Variants in TPH1 observed in about 807,000 individuals in gnomAD.
TPH1 encodes the protein tryptophan 5-hydroxylase 1.
A neutral mutation model predicts 49.5 loss-of-function variants in TPH1; 37 were observed. The observed-to-expected ratio is 0.75, with a 90% CI of 0.58 to 0.98. The LOEUF (loss-of-function observed/expected upper bound fraction) is 0.98, where lower values mean the gene tolerates loss of function less well. TPH1 is among the 50% of genes least tolerant of loss of function. TPH1 has a pLI of 0.00. For synonymous variants in TPH1, 160 were observed against 182.1 expected (o/e 0.88, Z 0.98); for missense variants, 487 against 523.6 (o/e 0.93, Z 0.68).
chr11:18,038,111 G>A (rs886432402), intron 2 of TPH1, among the ~76,000 whole-genome samples: 3 of 152,158 alleles, frequency 2.0e-5, no homozygotes, highest in African/African-American at 7.2e-5. Context: ...CGGAAGGGGA[G>A]TTGTGTCAAG....
intron 4 of TPH1, among the ~76,000 whole-genome samples, 186 bp downstream of exon 4, chr11:18,033,088 A>T (rs940190114): frequency 7.2e-5 from 11 of 152,122 alleles, no homozygotes; most frequent in African/African-American, 2.4e-4. Context: ...CCCCATCTCT[A>T]CTAAAAATAC....
chr11:18,027,606 C>T (rs1847942887), intron 6 of TPH1, among the ~76,000 whole-genome samples: 1 of 152,130 alleles, frequency 6.6e-6, no homozygotes, highest in Non-Finnish European at 1.5e-5. Context: ...TGGTATTTGA[C>T]CTTGAAGCAT....
chr11:18,021,873 G>A (rs1390583613), intron 10 of TPH1, among the ~76,000 whole-genome samples: 1 of 152,106 alleles, frequency 6.6e-6, no homozygotes, highest in East Asian at 1.9e-4. Flanking sequence ...GTGAAGCTGA[G>A]GACAACTATA....
rs1854327655 is a variant in TPH1 at position 18,018,954 on chromosome 11, A to G, written c.*2037T>C. 1 of 151,846 alleles carries G rather than the reference A, an allele frequency of 6.6e-6. No individual in the cohort carries two copies. The highest frequency in any genetic ancestry group is 1.9e-4 in the East Asian group (1 of 5,176). The allele number at this position is 151,846 out of a possible 1,614,324, so 9.4% of individuals were successfully genotyped here. A position where few individuals can be genotyped will look rare whatever the true frequency, so the allele number is the denominator to read the frequency against. On this transcript the variant is annotated 3_prime_UTR_variant, in exon 11 of 11. Coordinates refer to ENST00000682019, the MANE Select transcript of TPH1 (RefSeq NM_004179.3). Reference sequence around the variant, plus strand: ...TGCTTTTTTTAATTTCTTTTTTTCTACATGTTCTAAGATTTGCTATCTATT... The same window carrying G: ...TGCTTTTTTTAATTTCTTTTTTTCTGCATGTTCTAAGATTTGCTATCTATT...
chr11:18,024,008 C>G, intron 8 of TPH1, 25 bp from the exon 9 acceptor site: 1 of 1,519,704 alleles, frequency 6.6e-7, no homozygotes, highest in Non-Finnish European at 9.1e-7. Context: ...CAATATTATT[C>G]TCACACACTG....
chr11:18,033,901 T>G (rs1174782684), intron 3 of TPH1, among the ~76,000 whole-genome samples: 1 of 152,078 alleles, frequency 6.6e-6, no homozygotes, highest in African/African-American at 2.4e-5. Context: ...TCCCATTCCC[T>G]GCCCCACCCT....
chr11:18,033,423 G>C (rs1289136737), intron 3 of TPH1, 49 bp from the exon 4 acceptor site: 2 of 1,357,328 alleles, frequency 1.5e-6, no homozygotes. Flanking sequence ...AAGTTGAAGA[G>C]ATAATCTTAA....
rs575295560 is a variant in TPH1, at chr11:18,033,309, G to A, written c.367C>T (p.Leu123=). ...GCATCTAGTTCAGATCCATACATCA[G>A]AACTCTGTTGGCACAATGGTCCAGG... is the stretch of plus-strand genomic sequence containing the variant. ...SDLDHCANRV[L]MYGSELDADH... is the part of the protein sequence containing the mutation. The change falls in exon 4 of 11, where the codon CTG becomes TTG. Residue 123 remains leucine (L), a synonymous_variant. Coordinates refer to ENST00000682019, the MANE Select transcript of TPH1 (RefSeq NM_004179.3). The A allele has an allele frequency of 1.5e-5, 24 of 1,614,040 alleles. No individual in the cohort carries two copies. In the African/African-American group the frequency reaches 2.8e-4, roughly 19 times the overall value.
chr11:18,022,617 A>G (rs1854375633), intron 10 of TPH1, among the ~76,000 whole-genome samples, 181 bp downstream of exon 10: 1 of 152,220 alleles, frequency 6.6e-6, no homozygotes, highest in Admixed American at 6.5e-5. Flanking sequence ...CATATTTGCA[A>G]CTATGCAAAA....
chr11:18,019,648 G>A lies in TPH1; in HGVS notation c.*1343C>T, dbSNP rs756806518. The stretch of plus-strand genomic sequence containing the variant: ...GGAGTCATTCAAAATAAGAACTGAA[G>A]TCATGTATCTGGGTGACATTCCCCA... On this transcript the variant is annotated 3_prime_UTR_variant, in exon 11 of 11. Transcript: ENST00000682019. 2 of 455,648 alleles carry A rather than the reference G, an allele frequency of 4.4e-6. No individual in the cohort carries two copies. The highest frequency in any genetic ancestry group is 7.6e-5 in the East Asian group (1 of 13,128). 28.2% of individuals were successfully genotyped at this position (455,648 alleles called of 1,614,324 possible).
Position 18,036,099 on chromosome 11 carries a change from T to C in TPH1, c.161A>G (p.Lys54Arg). ...AATCTCAAATTCTGAGTTTCTTCTT[T>C]TTGATTTTCGGGACTCGATATGTAA... Reference protein sequence around the residue: ...NLLHIESRKSKRRNSEFEIFV... With the variant: ...NLLHIESRKSRRRNSEFEIFV... Residue 54 changes from lysine to arginine, a missense_variant, in exon 3 of 11, where the codon AAA becomes AGA. Lys to Arg is a conservative substitution (Grantham distance 26, BLOSUM62 2). Coordinates refer to ENST00000682019, the MANE Select transcript of TPH1 (RefSeq NM_004179.3). 6.2e-7 allele frequency: 1 copy of C among 1,613,504 alleles called. No individual in the cohort carries two copies. Among genetic ancestry groups the C allele is most frequent in the African/African-American group, 1.3e-5 (1 of 75,040 alleles).
In TPH1 at chr11:18,025,624, C is replaced by A. The variant is rs746537798; in HGVS notation, c.881G>T (p.Gly294Val). 6.2e-7 allele frequency: 1 copy of A among 1,613,984 alleles called. No homozygotes were observed. The highest frequency in any genetic ancestry group is 8.5e-7 in the Non-Finnish European group (1 of 1,179,918). Residue 294 changes from glycine to valine, a missense_variant, in exon 8 of 11, where the codon GGC becomes GTC. By Grantham distance (109) the Gly-to-Val change is moderately radical. Transcript: ENST00000682019. ...PSFAQFSQEI[G>V]LASLGASEEA... is the part of the protein sequence containing the mutation. ...CTCTGAAGCGCCAAGAGAAGCCAAG[C>A]CAATTTCTTGGGAGAATTGGGCAAA... is the stretch of plus-strand genomic sequence containing the variant.
rs375392298 is a variant in TPH1 at position 18,044,368 on chromosome 11, G to A, written c.-27+1873C>T. On this transcript the variant is annotated intron_variant, in intron 1 of 10. Coordinates refer to ENST00000682019, the MANE Select transcript of TPH1 (RefSeq NM_004179.3). ...ACCTGGGAGGCGGAGGTTGCAGTGA[G>A]CCAGGATCACGCCACTGCACTCCAG... Among the ~76,000 whole-genome samples the A allele has an allele frequency of 8.5e-5, 13 of 152,066 alleles. No homozygotes were observed. The South Asian group carries it at 1.5e-3, about 17-fold the overall frequency.
At chr11:18,043,564 G>A (rs572940) in intron 1 of TPH1, among the ~76,000 whole-genome samples, 53,650 of 151,956 alleles carry the variant, frequency 0.35, 9,975 homozygotes, top group East Asian at 0.51. Context: ...AGATCGTGTC[G>A]CTGCACTCTG....
chr11:18,041,595 T>C (rs1006333019), intron 1 of TPH1, among the ~76,000 whole-genome samples: 1 of 152,226 alleles, frequency 6.6e-6, no homozygotes, highest in African/African-American at 2.4e-5. Flanking sequence ...ATTCTGAGAT[T>C]TTCCTCACGG....
At chr11:18,032,384 G>A (rs1847998749) in intron 4 of TPH1, among the ~76,000 whole-genome samples, 1 of 152,012 alleles carries the variant, frequency 6.6e-6, no homozygotes, top group African/African-American at 2.4e-5. Flanking sequence ...GATTGCAGAT[G>A]CTGTCTTCGT....
At chr11:18,039,660 T>C (rs1277579390) in intron 2 of TPH1, among the ~76,000 whole-genome samples, 1 of 152,238 alleles carries the variant, frequency 6.6e-6, no homozygotes, top group Non-Finnish European at 1.5e-5. Flanking sequence ...ATTCACTTAC[T>C]GCAGTTGTTT....
chr11:18,026,927 C>T (rs886374789), intron 6 of TPH1, among the ~76,000 whole-genome samples: 1 of 152,158 alleles, frequency 6.6e-6, no homozygotes, highest in Non-Finnish European at 1.5e-5. Context: ...CAAGTCCACA[C>T]ATTAGTTGAT....
intron 8 of TPH1, among the ~76,000 whole-genome samples, chr11:18,025,187 TAAAAG>T (rs1256906379): frequency 6.6e-6 from 1 of 152,194 alleles, no homozygotes; most frequent in Non-Finnish European, 1.5e-5. Context: ...TATTGGAAAA[TAAAAG>T]ATAGATAACC....
Sources: allele counts gnomAD v4.1 joint callset (sites outside exome capture counted in the v4.1 genomes callset), GRCh38; gene constraint gnomAD v4.1.1; transcripts MANE v1.5; gene names NCBI Gene and HGNC (gene_info 2026-07-23, HGNC 2026-07-21).